ERG: variants seen among roughly 807,000 people sequenced by gnomAD.
ERG encodes the protein transcriptional regulator ERG.
In ERG, 9 loss-of-function variants were observed where a neutral mutation model predicts 55.3. The ratio of observed to expected loss-of-function variants is 0.16; its 90% CI spans 0.10 to 0.28. The LOEUF (loss-of-function observed/expected upper bound fraction) is 0.28. Ranked by LOEUF, ERG falls within the 10% of genes least tolerant of loss-of-function variation. The pLI, the probability that ERG is intolerant of heterozygous loss-of-function variation, is 1.00. For synonymous variants in ERG, 223 were observed against 237.3 expected, an observed-to-expected ratio of 0.94 and a Z score of 0.55; for missense variants, 434 against 631.6, an observed-to-expected ratio of 0.69 and a Z score of 3.35.
chr21:38,416,869 G>A (rs552789703), intron 3 of ERG, among the ~76,000 whole-genome samples: 15 of 152,322 alleles, frequency 9.8e-5, no homozygotes, highest in African/African-American at 3.4e-4. Context: ...ACACCGGGTG[G>A]TGAAAATGCA....
At chr21:38,418,918 A>G (rs1989403899) in intron 3 of ERG, among the ~76,000 whole-genome samples, 1 of 120,566 alleles carries the variant, frequency 8.3e-6, no homozygotes, top group African/African-American at 3.1e-5. Flanking sequence ...CAAGAGCGAG[A>G]CTTTGTCTCA....
chr21:38,408,147 C>T (rs1248855978), intron 3 of ERG, among the ~76,000 whole-genome samples: 1 of 152,138 alleles, frequency 6.6e-6, no homozygotes, highest in East Asian at 1.9e-4. Context: ...CAAAACATGG[C>T]CACTCGGTAG....
At chr21:38,655,126 T>C (rs1434610690) in intron 1 of ERG, among the ~76,000 whole-genome samples, 1 of 152,230 alleles carries the variant, frequency 6.6e-6, no homozygotes, top group Non-Finnish European at 1.5e-5. Flanking sequence ...ATTTATACTC[T>C]GCTTAGATCT....
chr21:38,570,719 G>C (rs2059952454), intron 2 of ERG, among the ~76,000 whole-genome samples: 1 of 152,198 alleles, frequency 6.6e-6, no homozygotes, highest in Non-Finnish European at 1.5e-5. Context: ...AGCAGGATTT[G>C]AATTGAGCCA....
chr21:38,623,952 A>C (rs2060309165), intron 1 of ERG, among the ~76,000 whole-genome samples: 1 of 152,240 alleles, frequency 6.6e-6, no homozygotes, highest in Non-Finnish European at 1.5e-5. Context: ...ATTTTTTTAA[A>C]GATCCCAGAG....
intron 2 of ERG, among the ~76,000 whole-genome samples, chr21:38,539,296 C>A (rs1365814617): frequency 1.3e-5 from 2 of 152,158 alleles, no homozygotes; most frequent in South Asian, 4.1e-4. Flanking sequence ...TTAAGATGTG[C>A]TGTAGGTGCA....
At chr21:38,471,469 C>T (rs9977083) in intron 1 of ERG, 115,377 of 152,142 alleles carry the variant, frequency 0.76, 43,903 homozygotes, top group East Asian at 0.89. Context: ...ACCACTGGAA[C>T]AGTTCTTGAG....
chr21:38,629,861 T>A (rs1026363057), intron 1 of ERG, among the ~76,000 whole-genome samples: 1 of 152,186 alleles, frequency 6.6e-6, no homozygotes, highest in Non-Finnish European at 1.5e-5. Context: ...CTATTCATGA[T>A]CAACAGATGA....
At chr21:38,648,473 G>A (rs1431510088) in intron 1 of ERG, among the ~76,000 whole-genome samples, 2 of 152,200 alleles carry the variant, frequency 1.3e-5, no homozygotes, top group African/African-American at 2.4e-5. Flanking sequence ...ATGGAGCGTG[G>A]ACAGTAAATG....
At chr21:38,429,967 G>C (rs951083466) in intron 2 of ERG, among the ~76,000 whole-genome samples, 16 of 152,156 alleles carry the variant, frequency 1.1e-4, no homozygotes, top group Non-Finnish European at 2.2e-4. Flanking sequence ...GGTTGTACTA[G>C]TTCCATAGTG....
At chr21:38,550,256 G>A (rs562706920) in intron 2 of ERG, among the ~76,000 whole-genome samples, 296 of 152,288 alleles carry the variant, frequency 1.9e-3, no homozygotes, top group Non-Finnish European at 3.6e-3. Context: ...CCCAGAAGGA[G>A]TCAATCTGCT....
At chr21:38,555,866 T>C (rs2059855331) in intron 2 of ERG, among the ~76,000 whole-genome samples, 1 of 152,204 alleles carries the variant, frequency 6.6e-6, no homozygotes, top group African/African-American at 2.4e-5. Context: ...CTTAAACTGG[T>C]AAAAGTCTTC....
chr21:38,483,645 G>A (rs1031924438), intron 1 of ERG, among the ~76,000 whole-genome samples: 1 of 152,020 alleles, frequency 6.6e-6, no homozygotes, highest in African/African-American at 2.4e-5. Flanking sequence ...TCAGGAGATT[G>A]AGACCATCCT....
chr21:38,447,690 A>C (rs928298334), intron 1 of ERG, among the ~76,000 whole-genome samples: 3 of 151,896 alleles, frequency 2.0e-5, no homozygotes, highest in African/African-American at 7.3e-5. Flanking sequence ...CTTATTAAAA[A>C]ATTTTTGCAA....
intron 6 of ERG, among the ~76,000 whole-genome samples, chr21:38,394,177 C>T (rs984554506): frequency 5.3e-5 from 8 of 152,010 alleles, no homozygotes; most frequent in African/African-American, 1.9e-4. Flanking sequence ...TAACTAAGGC[C>T]TTCTATTTAC....
chr21:38,452,199 G>A (rs2058947482), intron 1 of ERG, among the ~76,000 whole-genome samples: 1 of 152,170 alleles, frequency 6.6e-6, no homozygotes, highest in African/African-American at 2.4e-5. Flanking sequence ...CACTAGTCCA[G>A]TGCTAAGAAA....
intron 1 of ERG, among the ~76,000 whole-genome samples, chr21:38,590,750 G>T (rs996373283): frequency 5.9e-5 from 9 of 152,144 alleles, no homozygotes; most frequent in African/African-American, 1.9e-4. Flanking sequence ...CATGTGCCAA[G>T]CACTGAGCTA....
At chr21:38,417,904 A>G (rs1391355093) in intron 3 of ERG, among the ~76,000 whole-genome samples, 2 of 152,232 alleles carry the variant, frequency 1.3e-5, no homozygotes, top group East Asian at 3.8e-4. Flanking sequence ...GCATTTTGCA[A>G]CTTTTAAGAA....
intron 6 of ERG, among the ~76,000 whole-genome samples, chr21:38,398,068 G>T (rs952295252): frequency 6.6e-6 from 1 of 152,140 alleles, no homozygotes; most frequent in Non-Finnish European, 1.5e-5. Flanking sequence ...GACCTTCAAA[G>T]AAACAGTCAA....
Sources: allele counts gnomAD v4.1 joint callset (sites outside exome capture counted in the v4.1 genomes callset), GRCh38; gene constraint gnomAD v4.1.1; transcripts MANE v1.5; gene names NCBI Gene and HGNC (gene_info 2026-07-23, HGNC 2026-07-21).